The following TMEM39A variants were observed in gnomAD, a reference collection of about 807,000 sequenced individuals.
TMEM39A encodes suppressor of SQST-1 aggregates in rpl-43 mutants.
In TMEM39A, 19 loss-of-function variants were observed where a neutral mutation model predicts 51.9. The ratio of observed to expected loss-of-function variants is 0.37; its 90% confidence interval spans 0.26 to 0.54. The LOEUF is 0.54. Among genes scored for constraint, TMEM39A ranks in the 20% least tolerant of loss-of-function variants. TMEM39A has a pLI of 0.88. For synonymous variants in TMEM39A, 197 were observed against 220.2 expected (o/e 0.89, Z 0.93); for missense variants, 433 against 590.5 (o/e 0.73, Z 2.76).
At position 119,457,559 on chromosome 3, in the gene TMEM39A, A is replaced by G. The variant is rs1317283136; in HGVS notation, c.336+459T>C. ...GGGCCACAGCCACCTTGGAGGTCAC[A>G]TGTTGGAAGACAGTAGAATCTCCAT... is the stretch of plus-strand genomic sequence containing the variant. On this transcript the variant is annotated intron_variant, in intron 3 of 8. Coordinates refer to ENST00000319172, the MANE Select transcript of TMEM39A (RefSeq NM_018266.3). Among the ~76,000 whole-genome samples the G allele has an allele frequency of 3.3e-5, 5 of 152,178 alleles. No homozygotes were observed. The East Asian group carries it at 7.7e-4, about 23-fold the overall frequency.
intron 6 of TMEM39A, 61 bp downstream of exon 6, chr3:119,437,694 C>A: frequency 7.5e-7 from 1 of 1,332,336 alleles, no homozygotes; most frequent in Admixed American, 2.3e-5. Context: ...ACAAGAAATA[C>A]CCAGTTTATG....
At chr3:119,455,447 G>A (rs941014210) in intron 3 of TMEM39A, among the ~76,000 whole-genome samples, 1 of 152,190 alleles carries the variant, frequency 6.6e-6, no homozygotes, top group South Asian at 2.1e-4. Context: ...TTAAGTGTGC[G>A]TTCCTCTACT....
rs2080883038 is a variant in TMEM39A, at chr3:119,430,340, A to G, written c.*1641T>C. 1 of 152,072 alleles carries G rather than the reference A, an allele frequency of 6.6e-6. No individual in the cohort carries two copies. Among genetic ancestry groups the G allele is most frequent in the Non-Finnish European group, 1.5e-5 (1 of 67,978 alleles). The allele number at this position is 152,072 out of a possible 1,614,324, so 9.4% of individuals were successfully genotyped here. A position where few individuals can be genotyped will look rare whatever the true frequency, so the allele number is the denominator to read the frequency against. On this transcript the variant is annotated 3_prime_UTR_variant, in exon 9 of 9. Coordinates refer to ENST00000319172, the MANE Select transcript of TMEM39A (RefSeq NM_018266.3). ...CTCAAAGATGCCTTCTAGCAGTGCTATTCTTACCACTATTTCCTTGTCCTG... is the reference window on the plus strand; with the variant it reads ...CTCAAAGATGCCTTCTAGCAGTGCTGTTCTTACCACTATTTCCTTGTCCTG...
At position 119,462,055 on chromosome 3, in the gene TMEM39A, C is replaced by T; in HGVS notation, c.20G>A (p.Gly7Asp). The change falls in exon 2 of 9, where the codon GGC becomes GAC. Residue 7 changes from glycine to aspartate, a missense_variant. Coordinates refer to ENST00000319172, the MANE Select transcript of TMEM39A (RefSeq NM_018266.3). ...ACGGCTTAGCTGTTGCCGACTAGGG[C>T]CCCTCCTTCCACCGGGCATGTCCAG... MPGGRR[G>D]PSRQQLSRSA... 1 of 1,614,098 alleles carries T rather than the reference C, an allele frequency of 6.2e-7. No individual in the cohort carries two copies. The highest frequency in any genetic ancestry group is 8.5e-7 in the Non-Finnish European group (1 of 1,179,976).
Position 119,463,470 on chromosome 3 carries a change from C to G in TMEM39A, c.-209G>C, listed in dbSNP as rs2081367095. ...CAGCTGCTTGGACGCAGGCAGCCCC[C>G]GCCTAGAGAATCAAGAAAAGGTGTC... On this transcript the variant is annotated 5_prime_UTR_variant, in exon 1 of 9. Coordinates refer to ENST00000319172, the MANE Select transcript of TMEM39A (RefSeq NM_018266.3). 2.5e-6 allele frequency: 1 copy of G among 397,664 alleles called. No homozygotes were observed. Among genetic ancestry groups the G allele is most frequent in the South Asian group, 1.3e-4 (1 of 7,470 alleles). 24.6% of individuals were successfully genotyped at this position (397,664 alleles called of 1,614,324 possible). A position where few individuals can be genotyped will look rare whatever the true frequency, so the allele number is the denominator to read the frequency against.
At chr3:119,436,999 G>A (rs1276746583) in intron 6 of TMEM39A, 21 bp from the exon 7 acceptor site, 1 of 1,600,834 alleles carries the variant, frequency 6.2e-7, no homozygotes, top group African/African-American at 1.3e-5. Flanking sequence ...TCAGAAGAGA[G>A]AGAAATGATC....
chr3:119,444,420 G>A (rs1427088390), intron 5 of TMEM39A, among the ~76,000 whole-genome samples: 1 of 152,146 alleles, frequency 6.6e-6, no homozygotes, highest in African/African-American at 2.4e-5. Context: ...GTTCGTAACA[G>A]ATAATTCATT....
chr3:119,440,037 G>A (rs1325139567), intron 5 of TMEM39A, among the ~76,000 whole-genome samples: 1 of 152,084 alleles, frequency 6.6e-6, no homozygotes, highest in African/African-American at 2.4e-5. Context: ...CAAAGTGGTG[G>A]GATTACAGGT....
intron 7 of TMEM39A, 97 bp downstream of exon 7, chr3:119,436,694 T>C (rs1037565495): frequency 1.7e-5 from 22 of 1,320,460 alleles, no homozygotes; most frequent in Non-Finnish European, 2.3e-5. Context: ...AAAAATTAAA[T>C]GTTCAAAGCC....
chr3:119,446,225 T>C (rs187593235), intron 5 of TMEM39A, among the ~76,000 whole-genome samples: 249 of 152,348 alleles, frequency 1.6e-3, no homozygotes, highest in Non-Finnish European at 2.7e-3. Context: ...CCTTTTCACT[T>C]AAAGGAAGCA....
Position 119,451,830 on chromosome 3 carries a change from CAAA to C in TMEM39A, c.420+614_420+616del, listed in dbSNP as rs10653676. ...GGGCAACAAGAGTGAAACTCCGTCTCAAAAAAAAAAAAAAAAAAAAAAGGAAAG... is the reference window on the plus strand; with the variant it reads ...GGGCAACAAGAGTGAAACTCCGTCTCAAAAAAAAAAAAAAAAAAAGGAAAG... On this transcript the variant is annotated intron_variant, in intron 4 of 8. Coordinates refer to ENST00000319172, the MANE Select transcript of TMEM39A (RefSeq NM_018266.3). Among the ~76,000 whole-genome samples, 7 of 54,302 alleles carry C rather than the reference CAAA, an allele frequency of 1.3e-4. No individual in the cohort carries two copies. In the South Asian group the frequency reaches 2.8e-3, roughly 22 times the overall value. The allele number at this position is 54,302 out of a possible 152,430, so 35.6% of individuals were successfully genotyped here.
chr3:119,452,083 A>C (rs925950084), intron 4 of TMEM39A, among the ~76,000 whole-genome samples: 6 of 152,174 alleles, frequency 3.9e-5, no homozygotes, highest in Admixed American at 3.9e-4. Context: ...TATCAAGTGA[A>C]TATTATCTGG....
intron 8 of TMEM39A, among the ~76,000 whole-genome samples, chr3:119,433,149 T>G (rs1213579422): frequency 2.0e-5 from 3 of 152,164 alleles, no homozygotes; most frequent in Non-Finnish European, 4.4e-5. Flanking sequence ...AATTTAGATC[T>G]TAAGAGCTTA....
At chr3:119,452,684 G>A (rs192526519) in intron 3 of TMEM39A, among the ~76,000 whole-genome samples, 154 bp from the exon 4 acceptor site, 4 of 152,210 alleles carry the variant, frequency 2.6e-5, no homozygotes, top group East Asian at 1.9e-4. Context: ...AAGAGACTAC[G>A]TACCTTCTAC....
chr3:119,461,991 GCCT>G lies in TMEM39A; in HGVS notation c.81_83del (p.Gly28del). ...TTCTCAAGCCTGTTCCATTGCCACA[GCCT>G]CCACCAACCAAAGTCTGCAAAGAAG... On this transcript the variant is annotated inframe_deletion, in exon 2 of 9. Transcript: ENST00000319172. 6.2e-7 allele frequency: 1 copy of G among 1,613,992 alleles called. No homozygotes were observed. Among genetic ancestry groups the G allele is most frequent in the African/African-American group, 1.3e-5 (1 of 74,988 alleles).
chr3:119,432,902 T>C (rs1317281159), intron 8 of TMEM39A, among the ~76,000 whole-genome samples: 2 of 152,010 alleles, frequency 1.3e-5, no homozygotes, highest in African/African-American at 4.8e-5. Flanking sequence ...GAAGGAAAAA[T>C]GAGTCAGAAT....
intron 7 of TMEM39A, chr3:119,435,980 G>A (rs1251532321): frequency 4.0e-6 from 5 of 1,263,686 alleles, no homozygotes; most frequent in Non-Finnish European, 4.1e-6. Context: ...GAACTCTCAG[G>A]GGGAGAGGGA....
chr3:119,435,675 T>C (rs1030160260), intron 7 of TMEM39A: 19 of 959,232 alleles, frequency 2.0e-5, no homozygotes, highest in African/African-American at 1.5e-4. Context: ...AGATATGTTA[T>C]TAAAAAAAAA....
chr3:119,461,539 G>C (rs1237657171), intron 2 of TMEM39A, among the ~76,000 whole-genome samples: 1 of 152,312 alleles, frequency 6.6e-6, no homozygotes, highest in East Asian at 1.9e-4. Flanking sequence ...GGCTAACCCA[G>C]CTAAAAAACA....
Sources: gnomAD v4.1 joint callset for allele counts (sites outside exome capture counted in the v4.1 genomes callset) on GRCh38, gnomAD v4.1.1 for gene constraint, MANE v1.5 for transcripts, NCBI Gene and HGNC (gene_info 2026-07-23, HGNC 2026-07-21) for gene names.